Variants in KSR2 observed in about 807,000 individuals in gnomAD.
The protein encoded by KSR2 is kinase suppressor of ras 2.
Under a neutral mutation model 107.8 loss-of-function variants are expected in KSR2, and 25 were observed. That is an observed-to-expected ratio of 0.23 (90% CI 0.17 to 0.32). The LOEUF is 0.32. KSR2 is among the 10% of genes least tolerant of loss of function. The pLI is 1.00. For missense variants in KSR2, 887 were observed against 1,268.9 expected, an observed-to-expected ratio of 0.70 and a Z score of 4.57; for synonymous variants, 480 against 507.0, an observed-to-expected ratio of 0.95 and a Z score of 0.71.
At chr12:117,557,139 TG>T in intron 8 of KSR2, among the ~76,000 whole-genome samples, 2 of 152,322 alleles carry the variant, frequency 1.3e-5, no homozygotes, top group Middle Eastern at 6.8e-3. Context: ...CACTCCAGCC[TG>T]GGCGACAGAG....
chr12:117,521,944 A>G (rs548427069), intron 14 of KSR2, among the ~76,000 whole-genome samples: 16 of 152,318 alleles, frequency 1.1e-4, no homozygotes, highest in African/African-American at 3.4e-4. Context: ...GCCCCTCCCT[A>G]AGATAAATAT....
intron 5 of KSR2, among the ~76,000 whole-genome samples, chr12:117,617,353 ATTC>A (rs1252299779): frequency 1.4e-4 from 22 of 152,276 alleles, no homozygotes; most frequent in African/African-American, 4.6e-4. Flanking sequence ...CACGTATTGA[ATTC>A]TTCATTTCAG....
At chr12:117,927,616 C>A (rs1266414463) in intron 1 of KSR2, among the ~76,000 whole-genome samples, 1 of 151,698 alleles carries the variant, frequency 6.6e-6, no homozygotes, top group Non-Finnish European at 1.5e-5. Context: ...TCACTTGACC[C>A]TGAGGGACAG....
At chr12:117,675,627 C>T (rs1356700594) in intron 4 of KSR2, among the ~76,000 whole-genome samples, 8 of 152,202 alleles carry the variant, frequency 5.3e-5, no homozygotes, top group East Asian at 1.9e-4. Flanking sequence ...TTAGTCTTTG[C>T]ACCATTTCCT....
chr12:117,527,692 G>A (rs972832215), intron 12 of KSR2, among the ~76,000 whole-genome samples: 6 of 152,136 alleles, frequency 3.9e-5, no homozygotes, highest in Admixed American at 6.5e-5. Flanking sequence ...AAACTGGCAC[G>A]GCTTCTGACC....
At chr12:117,469,165 T>C (rs148158274) in intron 19 of KSR2, among the ~76,000 whole-genome samples, 1 of 152,158 alleles carries the variant, frequency 6.6e-6, no homozygotes, top group Non-Finnish European at 1.5e-5. Context: ...GAGCCTCTTA[T>C]GAGGAAATCA....
chr12:117,726,281 A>G (rs149033273), intron 4 of KSR2, among the ~76,000 whole-genome samples: 1 of 152,380 alleles, frequency 6.6e-6, no homozygotes, highest in Non-Finnish European at 1.5e-5. Flanking sequence ...ATGGGAGAGA[A>G]ATGGCCAGTA....
intron 4 of KSR2, among the ~76,000 whole-genome samples, chr12:117,705,082 C>T (rs1416115151): frequency 1.3e-5 from 2 of 152,122 alleles, no homozygotes; most frequent in Non-Finnish European, 2.9e-5. Flanking sequence ...AGGCCAGGGC[C>T]TGCCTCCAAG....
At chr12:117,873,320 G>A (rs1421987485) in intron 1 of KSR2, among the ~76,000 whole-genome samples, 1 of 149,684 alleles carries the variant, frequency 6.7e-6, no homozygotes, top group African/African-American at 2.5e-5. Context: ...CTCCAGCTTG[G>A]GCACCAGAGC....
chr12:117,888,214 G>A (rs1894235866), intron 1 of KSR2, among the ~76,000 whole-genome samples: 1 of 152,062 alleles, frequency 6.6e-6, no homozygotes, highest in African/African-American at 2.4e-5. Flanking sequence ...CATTCTCTTG[G>A]AGGCCAGATT....
At chr12:117,814,033 A>G (rs1183653170) in intron 3 of KSR2, among the ~76,000 whole-genome samples, 2 of 152,248 alleles carry the variant, frequency 1.3e-5, no homozygotes, top group Non-Finnish European at 2.9e-5. Context: ...CAAACACTAC[A>G]TGTTCTCACT....
chr12:117,686,215 ATTTTTTTTTTTTTTTT>A (rs55772468), intron 4 of KSR2, among the ~76,000 whole-genome samples: 2 of 78,042 alleles, frequency 2.6e-5, no homozygotes, highest in African/African-American at 1.4e-4. Flanking sequence ...CACCCAGCTA[ATTTTTTTTTTTTTTTT>A]TTTTTTTTTT....
intron 14 of KSR2, among the ~76,000 whole-genome samples, chr12:117,513,857 A>G (rs1874192790): frequency 6.6e-6 from 1 of 152,194 alleles, no homozygotes; most frequent in South Asian, 2.1e-4. Flanking sequence ...ACCTGCATGA[A>G]TTACTGGTTT....
chr12:117,591,545 A>C (rs891426079), intron 5 of KSR2, among the ~76,000 whole-genome samples: 1 of 152,040 alleles, frequency 6.6e-6, no homozygotes, highest in Non-Finnish European at 1.5e-5. Flanking sequence ...TATTGGTAGG[A>C]CCAGTGAGTG....
chr12:117,840,603 C>T (rs890347718), intron 3 of KSR2, among the ~76,000 whole-genome samples: 12 of 151,548 alleles, frequency 7.9e-5, no homozygotes, highest in African/African-American at 2.9e-4. Context: ...ACCATTTTGG[C>T]CAGGTTGGAC....
At chr12:117,507,775 T>A (rs1232328331) in intron 14 of KSR2, among the ~76,000 whole-genome samples, 1 of 152,226 alleles carries the variant, frequency 6.6e-6, no homozygotes, top group Non-Finnish European at 1.5e-5. Flanking sequence ...TCCAGCCTGC[T>A]GCTGATTGCT....
intron 7 of KSR2, among the ~76,000 whole-genome samples, chr12:117,564,024 A>C (rs1217795282): frequency 6.6e-6 from 1 of 151,782 alleles, no homozygotes; most frequent in Non-Finnish European, 1.5e-5. Flanking sequence ...ACAGAAATTC[A>C]GAGCATGAAC....
intron 2 of KSR2, among the ~76,000 whole-genome samples, chr12:117,860,085 TA>T (rs1320926887): frequency 6.6e-6 from 1 of 152,244 alleles, no homozygotes; most frequent in African/African-American, 2.4e-5. Context: ...TGGAGGGTTC[TA>T]ACTGACTCTG....
intron 3 of KSR2, among the ~76,000 whole-genome samples, chr12:117,790,483 T>G (rs1402797635): frequency 1.3e-5 from 2 of 152,152 alleles, no homozygotes; most frequent in Non-Finnish European, 2.9e-5. Flanking sequence ...CAATCAGATA[T>G]GCATTTGTCT....
Sources: gnomAD v4.1 joint callset for allele counts (sites outside exome capture counted in the v4.1 genomes callset) on GRCh38, gnomAD v4.1.1 for gene constraint, MANE v1.5 for transcripts, NCBI Gene and HGNC (gene_info 2026-07-23, HGNC 2026-07-21) for gene names.